WNT16: variants seen among roughly 807,000 people sequenced by gnomAD.
WNT16 encodes the protein protein Wnt-16.
A neutral mutation model predicts 35.4 loss-of-function variants in WNT16; 20 were observed. That is an observed-to-expected ratio of 0.56 (90% CI 0.40 to 0.82). WNT16 has a LOEUF of 0.82. WNT16 is among the 40% of genes least tolerant of loss of function. The pLI is 0.00. For synonymous variants in WNT16, 180 were observed against 179.2 expected (o/e 1.00, Z -0.03); for missense variants, 461 against 466.0 (o/e 0.99, Z 0.10).
At chr7:121,325,522 A>G (rs574276386), upstream of WNT16, 27 of 1,583,912 alleles carry the variant, frequency 1.7e-5, no homozygotes, top group South Asian at 2.2e-5. Flanking sequence ...AACTTTTTCA[A>G]TGTTTCAATG....
rs750461318 is a variant in WNT16, at chr7:121,330,712, GAGAAAAA to G, written c.346+897_346+903del. Among the ~76,000 whole-genome samples the G allele has an allele frequency of 1.0e-3, 41 of 39,060 alleles. 1 individual carries two copies. In the South Asian group the frequency reaches 0.032, roughly 30 times the overall value. The allele number at this position is 39,060 out of a possible 152,430, so 25.6% of individuals were successfully genotyped here. ...CCGAAGGAGCCCTGGTCCCCGTAGA[GAGAAAAA>G]AAAAAAAAAAAAAAAAAGAGACAGA... On this transcript the variant is annotated intron_variant, in intron 2 of 3. Transcript: ENST00000222462.
chr7:121,329,077 T>TC lies in WNT16; in HGVS notation c.-212dup. ...ATCTCCACCCCTGCGCAGGAGGAGA[T>TC]CCCCAGGCTGCTCTCTCCATCTCTC... On this transcript the variant is annotated 5_prime_UTR_variant, in exon 1 of 4. It introduces an in-frame stop codon into an upstream open reading frame of the 5' UTR. Coordinates refer to ENST00000222462, the MANE Select transcript of WNT16 (RefSeq NM_057168.2). 2 of 1,295,620 alleles carry TC rather than the reference T, an allele frequency of 1.5e-6. No homozygotes were observed. The highest frequency in any genetic ancestry group is 2.0e-6 in the Non-Finnish European group (2 of 1,022,724). The allele number at this position is 1,295,620 out of a possible 1,614,324, so 80.3% of individuals were successfully genotyped here.
chr7:121,328,897 G>A, upstream of WNT16: 1 of 399,412 alleles, frequency 2.5e-6, no homozygotes, highest in Non-Finnish European at 3.5e-6. Context: ...GAGGTCCCGA[G>A]ATGATGAGAT....
At position 121,331,701 on chromosome 7, in the gene WNT16, T is replaced by C. The variant is rs1460583496; in HGVS notation, c.370T>C (p.Tyr124His). 6.2e-7 allele frequency: 1 copy of C among 1,611,026 alleles called. No homozygotes were observed. Among genetic ancestry groups the C allele is most frequent in the Non-Finnish European group, 8.5e-7 (1 of 1,177,324 alleles). The stretch of plus-strand genomic sequence containing the variant: ...AGGCACCAAAGAGACAGCATTTATT[T>C]ATGCTGTGATGGCTGCAGGCCTGGT... Reference protein sequence around the residue: ...SSGTKETAFIYAVMAAGLVHS... With the variant: ...SSGTKETAFIHAVMAAGLVHS... The change falls in exon 3 of 4, where the codon TAT becomes CAT. Residue 124 changes from tyrosine to histidine, a missense_variant. Coordinates refer to ENST00000222462, the MANE Select transcript of WNT16 (RefSeq NM_057168.2).
At chr7:121,333,740 C>T (rs573017948) in intron 3 of WNT16, among the ~76,000 whole-genome samples, 7 of 151,830 alleles carry the variant, frequency 4.6e-5, no homozygotes, top group Non-Finnish European at 1.0e-4. Context: ...AACAAATAAA[C>T]GAGTGTTTGT....
chr7:121,331,609 G>A (rs1401637511), intron 2 of WNT16, 69 bp from the exon 3 acceptor site: 2 of 1,450,350 alleles, frequency 1.4e-6, no homozygotes, highest in Non-Finnish European at 1.9e-6. Context: ...ATCATGAGTA[G>A]GAGGCTTTCT....
intron 3 of WNT16, among the ~76,000 whole-genome samples, chr7:121,333,308 A>G (rs1332896111): frequency 2.0e-5 from 3 of 151,986 alleles, no homozygotes; most frequent in Admixed American, 2.0e-4. Context: ...TACTTTGTCC[A>G]TTTAAAATAC....
chr7:121,332,679 A>G (rs1173477931), intron 3 of WNT16, among the ~76,000 whole-genome samples: 1 of 152,114 alleles, frequency 6.6e-6, no homozygotes, highest in Non-Finnish European at 1.5e-5. Flanking sequence ...TTTGTAAAGG[A>G]AAGTTTTTTT....
chr7:121,328,980 G>T (rs980226940), upstream of WNT16: 7 of 1,102,454 alleles, frequency 6.3e-6, no homozygotes, highest in Admixed American at 1.4e-4. Context: ...GGCCGGGGGC[G>T]ATGGAGACGC....
At position 121,329,701 on chromosome 7, in the gene WNT16, G is replaced by A. The variant is rs1300597437; in HGVS notation, c.230G>A (p.Gly77Asp). 2 of 1,613,624 alleles carry A rather than the reference G, an allele frequency of 1.2e-6. No individual in the cohort carries two copies. Among genetic ancestry groups the A allele is most frequent in the Non-Finnish European group, 1.7e-6 (2 of 1,179,884 alleles). Reference protein sequence around the residue: ...LPSIREGARLGIQECGSQFRH... With the variant: ...LPSIREGARLDIQECGSQFRH... ...AGCATCCGAGAGGGCGCCCGGCTGG[G>A]CATTCAGGAGTGCGGGAGCCAGTTC... Residue 77 changes from glycine (G) to aspartate (D), a missense_variant, in exon 2 of 4, where the codon GGC (glycine) becomes GAC (aspartate). Transcript: ENST00000222462.
chr7:121,332,252 G>GTGTATA (rs74183706), intron 3 of WNT16, among the ~76,000 whole-genome samples: 1 of 151,888 alleles, frequency 6.6e-6, no homozygotes, highest in African/African-American at 2.4e-5. Flanking sequence ...GTGTGTGTGT[G>GTGTATA]TATACACATT....
upstream of WNT16, chr7:121,328,950 G>A (rs118178099): frequency 5.8e-3 from 5,325 of 916,884 alleles, 25 homozygotes; most frequent in Non-Finnish European, 6.7e-3. Flanking sequence ...GCGCGGCCAG[G>A]GGGAGGAGAT....
upstream of WNT16, among the ~76,000 whole-genome samples, chr7:121,327,140 T>A (rs982931010): frequency 1.3e-5 from 2 of 152,192 alleles, no homozygotes; most frequent in Non-Finnish European, 2.9e-5. Flanking sequence ...CCACTAGCCG[T>A]TAGCCAAAAT....
chr7:121,339,573 A>G lies in WNT16; in HGVS notation c.*228A>G. The G allele has an allele frequency of 2.0e-6, 1 of 509,656 alleles. No individual in the cohort carries two copies. Among genetic ancestry groups the G allele is most frequent in the East Asian group, 2.8e-5 (1 of 35,154 alleles). The allele number at this position is 509,656 out of a possible 1,614,324, so 31.6% of individuals were successfully genotyped here. A position where few individuals can be genotyped will look rare whatever the true frequency, so the allele number is the denominator to read the frequency against. On this transcript the variant is annotated 3_prime_UTR_variant, in exon 4 of 4. Coordinates refer to ENST00000222462, the MANE Select transcript of WNT16 (RefSeq NM_057168.2). The stretch of plus-strand genomic sequence containing the variant: ...TCTAATGTTGAAAAGGTTTATATTC[A>G]CCTTTTGATGATTTGGGGAATATAT...
intron 3 of WNT16, among the ~76,000 whole-genome samples, chr7:121,334,628 C>A (rs960601846): frequency 2.6e-5 from 4 of 152,004 alleles, no homozygotes; most frequent in Admixed American, 2.6e-4. Flanking sequence ...TGGGTACTGG[C>A]GCTTAGTAGT....
In WNT16 at chr7:121,338,912, G is replaced by A. The variant is rs750367164; in HGVS notation, c.665G>A (p.Arg222His). The change falls in exon 4 of 4, where the codon CGC (arginine) becomes CAC (histidine). Residue 222 changes from arginine to histidine, a missense_variant. Coordinates refer to ENST00000222462, the MANE Select transcript of WNT16 (RefSeq NM_057168.2). ...GCCAAGTTGATGTCAGTAGACTGCC[G>A]CTGCCACGGAGTTTCCGGCTCCTGT... ...AVAKLMSVDC[R>H]CHGVSGSCAV... The A allele has an allele frequency of 1.1e-5, 18 of 1,613,672 alleles. No individual in the cohort carries two copies. Among genetic ancestry groups the A allele is most frequent in the Middle Eastern group, 1.7e-4 (1 of 6,058 alleles).
At chr7:121,328,953 G>A (rs1379675894), upstream of WNT16, 4 of 928,666 alleles carry the variant, frequency 4.3e-6, no homozygotes, top group African/African-American at 1.7e-5. Context: ...CGGCCAGGGG[G>A]AGGAGATGGG....
chr7:121,329,474 A>G (rs1584675357), intron 1 of WNT16, 87 bp downstream of exon 1: 1 of 1,590,400 alleles, frequency 6.3e-7, no homozygotes, highest in Non-Finnish European at 8.6e-7. Flanking sequence ...GCTGGGGGAG[A>G]AGGGCGGGGA....
At chr7:121,334,421 C>T (rs986300710) in intron 3 of WNT16, among the ~76,000 whole-genome samples, 2 of 151,978 alleles carry the variant, frequency 1.3e-5, no homozygotes, top group African/African-American at 4.8e-5. Flanking sequence ...ACAAAACCAA[C>T]AACACCATAA....
Sources: gnomAD v4.1 joint callset for allele counts (sites outside exome capture counted in the v4.1 genomes callset) on GRCh38, gnomAD v4.1.1 for gene constraint, MANE v1.5 for transcripts, NCBI Gene and HGNC (gene_info 2026-07-23, HGNC 2026-07-21) for gene names.